Variants in GGNBP2 observed in about 807,000 individuals in gnomAD.
The protein encoded by GGNBP2 is gametogenetin binding protein 2.
A neutral mutation model predicts 85.9 loss-of-function variants in GGNBP2; 10 were observed. The ratio of observed to expected loss-of-function variants is 0.12; its 90% CI spans 0.07 to 0.20. The LOEUF is 0.20. Among genes scored for constraint, GGNBP2 ranks in the 10% least tolerant of loss-of-function variants. The pLI, the probability that GGNBP2 is intolerant of heterozygous loss-of-function variation, is 1.00. For synonymous variants in GGNBP2, 287 were observed against 285.7 expected (o/e 1.00, Z -0.05); for missense variants, 595 against 857.8 (o/e 0.69, Z 3.83).
At chr17:36,559,988 C>T (rs554890529) in intron 4 of GGNBP2, among the ~76,000 whole-genome samples, 216 of 152,244 alleles carry the variant, frequency 1.4e-3, no homozygotes, top group Non-Finnish European at 2.5e-3. Flanking sequence ...GCGTGCACCA[C>T]CACACCTGTC....
chr17:36,578,283 G>A, intron 7 of GGNBP2, 97 bp downstream of exon 7: 2 of 866,808 alleles, frequency 2.3e-6, no homozygotes, highest in South Asian at 1.7e-5. Flanking sequence ...CAGTACATAT[G>A]ATATATGTAT....
intron 6 of GGNBP2, among the ~76,000 whole-genome samples, chr17:36,569,407 A>C (rs1053946456): frequency 6.6e-6 from 1 of 152,162 alleles, no homozygotes; most frequent in Non-Finnish European, 1.5e-5. Flanking sequence ...CGTCTCAAAA[A>C]AAGAAAAAGC....
intron 6 of GGNBP2, among the ~76,000 whole-genome samples, chr17:36,573,427 T>C (rs968881059): frequency 6.6e-5 from 10 of 152,222 alleles, no homozygotes; most frequent in African/African-American, 9.6e-5. Context: ...CATTCATACA[T>C]TGATGGACAT....
At chr17:36,563,582 G>GTT (rs1441633239) in intron 5 of GGNBP2, among the ~76,000 whole-genome samples, 2 of 135,258 alleles carry the variant, frequency 1.5e-5, no homozygotes, top group Non-Finnish European at 3.1e-5. Context: ...GATTTTACCT[G>GTT]TTTCTGGTTT....
At chr17:36,576,595 ATGTGTGTGTGTGTGTGTG>A (rs71159620) in intron 6 of GGNBP2, 1 of 51,494 alleles carries the variant, frequency 1.9e-5, no homozygotes, top group Non-Finnish European at 3.1e-5. Context: ...ATATATATAT[ATGTGTGTGTGTGTGTGTG>A]TGTGTGTGTG....
intron 6 of GGNBP2, among the ~76,000 whole-genome samples, chr17:36,570,853 C>T (rs2074516816): frequency 6.6e-6 from 1 of 151,954 alleles, no homozygotes; most frequent in Non-Finnish European, 1.5e-5. Context: ...AAACCCCTCT[C>T]TACTGAAAAT....
At chr17:36,554,352 A>ATTTTTTTTTTTTTTTTTTTTTTTTTTT (rs780217291) in intron 2 of GGNBP2, among the ~76,000 whole-genome samples, 1 of 44,480 alleles carries the variant, frequency 2.2e-5, no homozygotes, top group Non-Finnish European at 3.6e-5. Context: ...ATGTACTTGA[A>ATTTTTTTTTTTTTTTTTTTTTTTTTTT]TTTTTTTTTT....
At chr17:36,561,492 T>G (rs2074416076) in intron 5 of GGNBP2, among the ~76,000 whole-genome samples, 1 of 152,202 alleles carries the variant, frequency 6.6e-6, no homozygotes, top group Non-Finnish European at 1.5e-5. Context: ...CATTATTTGA[T>G]CTACAGAATA....
chr17:36,555,405 T>C (rs1452127878), intron 3 of GGNBP2, among the ~76,000 whole-genome samples: 1 of 152,158 alleles, frequency 6.6e-6, no homozygotes, highest in Non-Finnish European at 1.5e-5. Context: ...CAAAATGATA[T>C]AGTAAGGGCT....
At chr17:36,559,840 T>C (rs950475269) in intron 4 of GGNBP2, among the ~76,000 whole-genome samples, 1 of 152,108 alleles carries the variant, frequency 6.6e-6, no homozygotes, top group Non-Finnish European at 1.5e-5. Flanking sequence ...TTCTATCTTA[T>C]TTATTAATTT....
chr17:36,553,680 T>C (rs540452438), intron 2 of GGNBP2, among the ~76,000 whole-genome samples: 1 of 152,356 alleles, frequency 6.6e-6, no homozygotes, highest in Admixed American at 6.5e-5. Context: ...CCTAGTACGA[T>C]ATGTTTGATC....
chr17:36,580,445 G>A (rs2074636770), intron 8 of GGNBP2, among the ~76,000 whole-genome samples: 1 of 151,546 alleles, frequency 6.6e-6, no homozygotes, highest in Admixed American at 6.6e-5. Flanking sequence ...TCCTGACCTC[G>A]TGATCCGCTG....
Position 36,545,584 on chromosome 17 carries a change from C to T in GGNBP2, c.-106-35C>T, listed in dbSNP as rs533722575. The T allele has an allele frequency of 1.2e-4, 75 of 642,472 alleles. No individual in the cohort carries two copies. The East Asian group carries it at 2.0e-3, about 17-fold the overall frequency. 39.8% of individuals were successfully genotyped at this position (642,472 alleles called of 1,614,324 possible). A position where few individuals can be genotyped will look rare whatever the true frequency, so the allele number is the denominator to read the frequency against. Reference sequence around the variant, plus strand: ...CCGTGGCGAATGTGCTGCGCAGCGGCGGGTGCTTACGCTCGCGGGGTTTGG... The same window carrying T: ...CCGTGGCGAATGTGCTGCGCAGCGGTGGGTGCTTACGCTCGCGGGGTTTGG... On this transcript the variant is annotated intron_variant, in intron 1 of 13. Coordinates refer to ENST00000613102, the MANE Select transcript of GGNBP2 (RefSeq NM_024835.5).
intron 9 of GGNBP2, among the ~76,000 whole-genome samples, chr17:36,584,910 T>C (rs1031036107): frequency 2.0e-5 from 3 of 149,878 alleles, no homozygotes; most frequent in Non-Finnish European, 4.4e-5. Context: ...GCCATGATTG[T>C]ATGACTGTAC....
At chr17:36,575,098 C>T in intron 6 of GGNBP2, 1 of 819,194 alleles carries the variant, frequency 1.2e-6, no homozygotes, top group South Asian at 1.5e-5. Context: ...AGAAGACATA[C>T]ATCTCCTCCA....
chr17:36,575,646 A>ATTTTTT (rs1360835058), intron 6 of GGNBP2, among the ~76,000 whole-genome samples: 11 of 54,596 alleles, frequency 2.0e-4, no homozygotes, highest in African/African-American at 8.1e-4. Flanking sequence ...ATATATATAT[A>ATTTTTT]TATTTTTTTT....
chr17:36,565,301 A>G (rs2074457023), intron 5 of GGNBP2, among the ~76,000 whole-genome samples: 1 of 152,212 alleles, frequency 6.6e-6, no homozygotes, highest in Non-Finnish European at 1.5e-5. Context: ...GTCATGGATT[A>G]AGCTGTGAAT....
intron 5 of GGNBP2, among the ~76,000 whole-genome samples, chr17:36,563,366 C>T (rs1001453368): frequency 6.6e-6 from 1 of 151,980 alleles, no homozygotes; most frequent in East Asian, 1.9e-4. Context: ...GCACTTTTAC[C>T]AAGATTTAGT....
intron 4 of GGNBP2, among the ~76,000 whole-genome samples, chr17:36,559,022 T>C (rs935637489): frequency 3.9e-5 from 6 of 152,036 alleles, no homozygotes; most frequent in Non-Finnish European, 7.4e-5. Context: ...ACAACAGGCC[T>C]TGCGTGGTTG....
Sources: allele counts gnomAD v4.1 joint callset (sites outside exome capture counted in the v4.1 genomes callset), GRCh38; gene constraint gnomAD v4.1.1; transcripts MANE v1.5; gene names NCBI Gene and HGNC (gene_info 2026-07-23, HGNC 2026-07-21).